The following NOS1 variants were observed in gnomAD, a reference collection of about 807,000 sequenced individuals.
The protein encoded by NOS1 is NOS type I.
In NOS1, 51 loss-of-function variants were observed where a neutral mutation model predicts 164.5. The ratio of observed to expected loss-of-function variants is 0.31; its 90% CI spans 0.25 to 0.39. The LOEUF is 0.39. Ranked by LOEUF, NOS1 falls within the 10% of genes least tolerant of loss-of-function variation. The probability of loss-of-function intolerance (pLI) is 1.00; values close to 1 mark genes in which losing one functional copy is unlikely to be tolerated. For synonymous variants in NOS1, 719 were observed against 745.8 expected (o/e 0.96, Z 0.59); for missense variants, 1,362 against 1,885.6 (o/e 0.72, Z 5.14).
intron 20 of NOS1, among the ~76,000 whole-genome samples, chr12:117,239,019 T>C (rs1398294097): frequency 6.6e-6 from 1 of 152,092 alleles, no homozygotes. Flanking sequence ...AAGTGGTGGG[T>C]CTGAGATGTA....
intron 7 of NOS1, among the ~76,000 whole-genome samples, chr12:117,283,410 T>C (rs1172791623): frequency 6.6e-6 from 1 of 152,050 alleles, no homozygotes; most frequent in African/African-American, 2.4e-5. Flanking sequence ...GACATGAGGG[T>C]TAAAAACTAT....
rs755377258 is a variant in NOS1 at position 117,263,957 on chromosome 12, C to T, written c.2154G>A (p.Thr718=). 207 of 1,613,476 alleles carry T rather than the reference C, an allele frequency of 1.3e-4. No individual in the cohort carries two copies. Among genetic ancestry groups the T allele is most frequent in the Non-Finnish European group, 1.7e-4 (203 of 1,179,738 alleles). Residue 718 remains threonine (T), a synonymous_variant, in exon 13 of 29, where the codon ACG becomes ACA. Transcript: ENST00000317775. ...SFEYQPDPWN[T]HVWKGTNGTP... Reference sequence around the variant, plus strand: ...TCCCGTTGGTGCCTTTCCAGACATGCGTGTTCCAGGGATCAGGCTGGGAAG... The same window carrying T: ...TCCCGTTGGTGCCTTTCCAGACATGTGTGTTCCAGGGATCAGGCTGGGAAG...
chr12:117,348,799 A>G (rs1364274870), intron 1 of NOS1, among the ~76,000 whole-genome samples: 1 of 152,194 alleles, frequency 6.6e-6, no homozygotes, highest in Non-Finnish European at 1.5e-5. Flanking sequence ...GGAGACAAGG[A>G]AAGACTGACA....
chr12:117,284,986 G>A (rs1290560091), intron 7 of NOS1, among the ~76,000 whole-genome samples: 4 of 150,606 alleles, frequency 2.7e-5, no homozygotes, highest in Non-Finnish European at 5.9e-5. Context: ...GGAGGCAGAG[G>A]TTGCAGTGAG....
chr12:117,224,904 G>T, intron 25 of NOS1, 112 bp downstream of exon 25: 2 of 1,407,040 alleles, frequency 1.4e-6, no homozygotes, highest in Non-Finnish European at 2.0e-6. Context: ...GCTTTTCTGA[G>T]GCGGTGATGC....
Position 117,350,889 on chromosome 12 carries a change from G to A in NOS1, c.-421+10623C>T, listed in dbSNP as rs866431333. ...AGCCCTTTGGGAGGCCGAGGCGGGC[G>A]GATCACGAGGTCAGGAGATGGGGAC... is the stretch of plus-strand genomic sequence containing the variant. On this transcript the variant is annotated intron_variant, in intron 1 of 28. Transcript: ENST00000317775. 3.9e-5 allele frequency among the ~76,000 whole-genome samples: 6 copies of A among 152,232 alleles called. No individual in the cohort carries two copies. The South Asian group carries it at 1.0e-3, about 26-fold the overall frequency.
At chr12:117,337,365 C>T (rs897856340) in intron 1 of NOS1, among the ~76,000 whole-genome samples, 1 of 152,074 alleles carries the variant, frequency 6.6e-6, no homozygotes, top group African/African-American at 2.4e-5. Context: ...ATCCGCCTGC[C>T]TTGGCCTCCC....
chr12:117,225,951 C>T (rs573645241), intron 24 of NOS1, among the ~76,000 whole-genome samples: 17 of 152,218 alleles, frequency 1.1e-4, no homozygotes, highest in Admixed American at 2.6e-4. Context: ...TTTAACCAAC[C>T]GTGAAATCTT....
At chr12:117,335,843 C>T (rs1008120632) in intron 1 of NOS1, among the ~76,000 whole-genome samples, 9 of 151,070 alleles carry the variant, frequency 6.0e-5, no homozygotes, top group African/African-American at 1.7e-4. Flanking sequence ...CTTAGTCTCC[C>T]GAGTAGCTAG....
At chr12:117,309,204 T>C (rs915243833) in intron 3 of NOS1, 19 of 268,302 alleles carry the variant, frequency 7.1e-5, no homozygotes, top group Non-Finnish European at 1.0e-4. Flanking sequence ...CAGTGTGGTC[T>C]TGACTTTTGA....
Position 117,220,117 on chromosome 12 carries a change from C to A in NOS1, c.4128G>T (p.Lys1376Asn), listed in dbSNP as rs1263347932. ...AIQRIMTQQG[K>N]LSAEDAGVFI... ...ATACGCCGGCGTCCTCTGCCGAGAG[C>A]TTCCCCTGCTGGGTCATGATGCGCT... The change falls in exon 27 of 29, where the codon AAG becomes AAT. Residue 1376 changes from lysine to asparagine, a missense_variant. Physicochemically the swap from Lys to Asn is moderately conservative, Grantham distance 94. Transcript: ENST00000317775. The A allele has an allele frequency of 6.2e-7, 1 of 1,613,510 alleles. No homozygotes were observed. Among genetic ancestry groups the A allele is most frequent in the Non-Finnish European group, 8.5e-7 (1 of 1,179,738 alleles).
rs895346335 is a variant in NOS1, at chr12:117,349,296, T to C, written c.-421+12216A>G. Reference sequence around the variant, plus strand: ...TCCATGTTACAGCATAGATCAGCACTTCATTTCTTTTAGTGGCTGAGTAAT... The same window carrying C: ...TCCATGTTACAGCATAGATCAGCACCTCATTTCTTTTAGTGGCTGAGTAAT... On this transcript the variant is annotated intron_variant, in intron 1 of 28. Transcript: ENST00000317775. Among the ~76,000 whole-genome samples, 3 of 152,238 alleles carry C rather than the reference T, an allele frequency of 2.0e-5. No homozygotes were observed. In the South Asian group the frequency reaches 6.2e-4, roughly 31 times the overall value.
rs1868808056 is a variant in NOS1, at chr12:117,227,531, C to T, written c.3516G>A (p.Leu1172=). Residue 1172 remains leucine, a synonymous_variant, in exon 23 of 29, where the codon CTG becomes CTA. Transcript: ENST00000317775. ...QMPATLLLTQ[L]SLLQPRYYSI... ...AATAGTAGCGGGGCTGCAGCAGGGA[C>T]AGCTGGGTCAGGAGCAGGGTGGCCG... is the stretch of plus-strand genomic sequence containing the variant. 1 of 1,612,922 alleles carries T rather than the reference C, an allele frequency of 6.2e-7. No individual in the cohort carries two copies. Among genetic ancestry groups the T allele is most frequent in the South Asian group, 1.1e-5 (1 of 90,860 alleles).
chr12:117,267,811 A>C (rs532348013), intron 11 of NOS1, among the ~76,000 whole-genome samples: 1 of 152,128 alleles, frequency 6.6e-6, no homozygotes, highest in Non-Finnish European at 1.5e-5. Context: ...AACAAGACAG[A>C]ACACTCCTCT....
At chr12:117,335,952 C>T (rs1875800055) in intron 1 of NOS1, among the ~76,000 whole-genome samples, 1 of 152,164 alleles carries the variant, frequency 6.6e-6, no homozygotes, top group Admixed American at 6.5e-5. Context: ...AGTGACCCTC[C>T]TGCCTCAGCC....
intron 1 of NOS1, among the ~76,000 whole-genome samples, chr12:117,358,366 A>G (rs1400500317): frequency 6.6e-6 from 1 of 151,570 alleles, no homozygotes; most frequent in African/African-American, 2.4e-5. Context: ...TCCTTCCCCA[A>G]GGAAGATGGA....
At chr12:117,346,361 C>T (rs1876349278) in intron 1 of NOS1, among the ~76,000 whole-genome samples, 1 of 152,148 alleles carries the variant, frequency 6.6e-6, no homozygotes, top group South Asian at 2.1e-4. Flanking sequence ...ATCCCAGTTA[C>T]TCAGGAGGCT....
At position 117,277,939 on chromosome 12, in the gene NOS1, C is replaced by T. The variant is rs1016742525; in HGVS notation, c.1664+20G>A. On this transcript the variant is annotated intron_variant, in intron 9 of 28. Transcript: ENST00000317775. ...GGCAAACCCACTCACCCTCTCCCAC[C>T]CCTTGCCAGTCCCTCTTACTTGGGG... is the stretch of plus-strand genomic sequence containing the variant. The T allele has an allele frequency of 6.2e-7, 1 of 1,604,672 alleles. No homozygotes were observed. Among genetic ancestry groups the T allele is most frequent in the Non-Finnish European group, 8.5e-7 (1 of 1,173,324 alleles).
chr12:117,274,925 A>C (rs1337926099), intron 9 of NOS1, among the ~76,000 whole-genome samples: 1 of 152,122 alleles, frequency 6.6e-6, no homozygotes, highest in African/African-American at 2.4e-5. Flanking sequence ...GTGATATTTT[A>C]TATATACTGT....
Sources: allele counts gnomAD v4.1 joint callset (sites outside exome capture counted in the v4.1 genomes callset), GRCh38; gene constraint gnomAD v4.1.1; transcripts MANE v1.5; gene names NCBI Gene and HGNC (gene_info 2026-07-23, HGNC 2026-07-21).